FAM186A: variants seen among roughly 807,000 people sequenced by gnomAD.
The protein encoded by FAM186A is protein FAM186A.
Under a neutral mutation model 216.8 loss-of-function variants are expected in FAM186A, and 163 were observed. The ratio of observed to expected loss-of-function variants is 0.75; its 90% CI spans 0.66 to 0.86. The LOEUF is 0.86. Ranked by LOEUF, FAM186A falls within the 40% of genes least tolerant of loss-of-function variation. The probability of loss-of-function intolerance (pLI) is 0.00; values close to 1 mark genes in which losing one functional copy is unlikely to be tolerated. For missense variants in FAM186A, 2,184 were observed against 2,746.2 expected (o/e 0.80, Z 4.58); for synonymous variants, 805 against 1,025.3 (o/e 0.79, Z 4.10).
chr12:50,339,131 C>T (rs1369272912), intron 4 of FAM186A, among the ~76,000 whole-genome samples: 2 of 151,992 alleles, frequency 1.3e-5, no homozygotes, highest in Admixed American at 1.3e-4. Context: ...CCTCCCACCT[C>T]AGCCTACCAA....
chr12:50,353,840 G>T lies in FAM186A; in HGVS notation c.2992C>A (p.Leu998Ile), dbSNP rs939874305. 34 of 1,551,454 alleles carry T rather than the reference G, an allele frequency of 2.2e-5. No individual in the cohort carries two copies. The highest frequency in any genetic ancestry group is 2.8e-5 in the Non-Finnish European group (32 of 1,146,954). The change falls in exon 4 of 8, where the codon CTA becomes ATA. Residue 998 changes from leucine (L) to isoleucine (I), a missense_variant. Physicochemically the swap from Leu to Ile is conservative, Grantham distance 5. Transcript: ENST00000327337. Reference protein sequence around the residue: ...MQMKETQPKELEKMVIQTPMT... With the variant: ...MQMKETQPKEIEKMVIQTPMT... ...GGAGTTTGGATGACCATTTTTTCTA[G>T]CTCTTTAGGTTGTGTTTCCTTCATC...
At chr12:50,394,732 CTTTTTTTTTTTTTT>C (rs71083561) in intron 1 of FAM186A, among the ~76,000 whole-genome samples, 2 of 29,384 alleles carry the variant, frequency 6.8e-5, no homozygotes, top group Admixed American at 5.7e-4. Context: ...GGCTAACACT[CTTTTTTTTTTTTTT>C]TTTTTTTTTT....
At chr12:50,381,243 T>A (rs2136105147) in intron 1 of FAM186A, among the ~76,000 whole-genome samples, 1 of 152,334 alleles carries the variant, frequency 6.6e-6, no homozygotes, top group Middle Eastern at 3.4e-3. Context: ...GCAAGGGGCG[T>A]GTTTCAGCCC....
chr12:50,333,766 T>G (rs995660199), intron 5 of FAM186A, 145 bp downstream of exon 5: 9 of 804,214 alleles, frequency 1.1e-5, no homozygotes, highest in Non-Finnish European at 1.7e-5. Flanking sequence ...TTTCTGTTGT[T>G]TTAAGCTATG....
In FAM186A at chr12:50,396,509, T is replaced by A; in HGVS notation, c.-25A>T. 1 of 1,527,294 alleles carries A rather than the reference T, an allele frequency of 6.5e-7. No homozygotes were observed. 94.6% of individuals were successfully genotyped at this position (1,527,294 alleles called of 1,614,324 possible). ...TTTTGAAAATGTGGGTGATTTCGTT[T>A]TATTTCTTCTTTTTCACAGAATCTA... On this transcript the variant is annotated 5_prime_UTR_variant, in exon 1 of 8. It removes the in-frame stop codon of an upstream open reading frame in the 5' UTR. Transcript: ENST00000327337.
chr12:50,346,220 G>GAGAGAGA (rs1555215373), intron 4 of FAM186A, among the ~76,000 whole-genome samples: 8 of 46,730 alleles, frequency 1.7e-4, no homozygotes, highest in African/African-American at 5.6e-4. Context: ...AGAGAGAGAA[G>GAGAGAGA]GAAAGAAAGA....
chr12:50,365,789 C>T (rs906640581), intron 1 of FAM186A: 70 of 755,884 alleles, frequency 9.3e-5, no homozygotes, highest in East Asian at 2.4e-4. Context: ...ACATGTGATC[C>T]GTGCCCATCT....
rs1362530653 is a variant in FAM186A at position 50,364,583 on chromosome 12, TA to T, written c.193-1220del. Among the ~76,000 whole-genome samples, 18 of 91,066 alleles carry T rather than the reference TA, an allele frequency of 2.0e-4. No homozygotes were observed. In the East Asian group the frequency reaches 7.0e-3, roughly 35 times the overall value. 59.7% of individuals were successfully genotyped at this position (91,066 alleles called of 152,430 possible). On this transcript the variant is annotated intron_variant, in intron 1 of 7. Transcript: ENST00000327337. ...AAAATAAATAAATAAATAAATAAAA[TA>T]AAAATAAAAATAAAATAATATAAAA...
At position 50,351,795 on chromosome 12, in the gene FAM186A, C is replaced by T; in HGVS notation, c.5037G>A (p.Gln1679=). The T allele has an allele frequency of 1.9e-6, 3 of 1,549,710 alleles. No individual in the cohort carries two copies. The highest frequency in any genetic ancestry group is 1.7e-6 in the Non-Finnish European group (2 of 1,145,944). ...CTAACTTCAATAACTGTTCTTGAGC[C>T]TGTTCTAAGTTCATAGGGGACTCCA... ...HALESPMNLE[Q]AQEQLLKLGV... is the part of the protein sequence containing the mutation. The change falls in exon 4 of 8, where the codon CAG becomes CAA. Residue 1679 remains glutamine (Q), a synonymous_variant. Coordinates refer to ENST00000327337, the MANE Select transcript of FAM186A (RefSeq NM_001145475.3).
chr12:50,387,331 T>C (rs957745007), intron 1 of FAM186A, among the ~76,000 whole-genome samples: 1 of 152,176 alleles, frequency 6.6e-6, no homozygotes, highest in Non-Finnish European at 1.5e-5. Flanking sequence ...CAAGGTATTG[T>C]GGAAGGGGAA....
At position 50,372,903 on chromosome 12, in the gene FAM186A, AAAAAAAAAAAAAAAG is replaced by A. The variant is rs1333034113; in HGVS notation, c.193-9554_193-9540del. ...TGGGCGACAGAGCAAGACTCCGTCT[AAAAAAAAAAAAAAAG>A]AAAAAAGAAAGAAAGAAGGAAGGAA... is the stretch of plus-strand genomic sequence containing the variant. On this transcript the variant is annotated intron_variant, in intron 1 of 7. Transcript: ENST00000327337. Among the ~76,000 whole-genome samples, 107 of 134,708 alleles carry A rather than the reference AAAAAAAAAAAAAAAG, an allele frequency of 7.9e-4. 1 individual carries two copies. Among genetic ancestry groups the A allele is most frequent in the African/African-American group, 2.7e-3 (102 of 37,328 alleles). 88.4% of individuals were successfully genotyped at this position (134,708 alleles called of 152,430 possible).
At position 50,396,392 on chromosome 12, in the gene FAM186A, A is replaced by G. The variant is rs2136110564; in HGVS notation, c.93T>C (p.Asn31=). The G allele has an allele frequency of 6.4e-7, 1 of 1,551,566 alleles. No individual in the cohort carries two copies. Among genetic ancestry groups the G allele is most frequent in the Non-Finnish European group, 8.7e-7 (1 of 1,146,968 alleles). Residue 31 remains asparagine (N), a synonymous_variant, in exon 1 of 8, where the codon AAT becomes AAC. Coordinates refer to ENST00000327337, the MANE Select transcript of FAM186A (RefSeq NM_001145475.3). ...DSTIMRREPQ[N]ILSPLMLPNL... The stretch of plus-strand genomic sequence containing the variant: ...TAGGGAGCATCAAAGGACTAAGGAT[A>G]TTTTGGGGCTCTCTTCTCATGATGG...
In FAM186A at chr12:50,352,595, G is replaced by A; in HGVS notation, c.4237C>T (p.Pro1413Ser). ...ATCCCCAATTCCTGAGCCTGCTGAG[G>A]GGTGAGAGGGATCCCCAGTTCCTGA... ...QAQELGIPLT[P>S]QQAQELGIPF... Residue 1413 changes from proline to serine, a missense_variant, in exon 4 of 8, where the codon CCT (proline) becomes TCT (serine). By Grantham distance (74) the Pro-to-Ser change is moderately conservative (BLOSUM62 -1). This residue lies in a region of FAM186A where 267 missense variants were observed against 446.2 expected (regional missense o/e 0.60). Coordinates refer to ENST00000327337, the MANE Select transcript of FAM186A (RefSeq NM_001145475.3). 6.6e-7 allele frequency: 1 copy of A among 1,525,270 alleles called. No homozygotes were observed. Among genetic ancestry groups the A allele is most frequent in the Non-Finnish European group, 8.8e-7 (1 of 1,134,700 alleles). The allele number at this position is 1,525,270 out of a possible 1,614,324, so 94.5% of individuals were successfully genotyped here. A position where few individuals can be genotyped will look rare whatever the true frequency, so the allele number is the denominator to read the frequency against.
At chr12:50,385,835 G>C (rs1943298213) in intron 1 of FAM186A, among the ~76,000 whole-genome samples, 1 of 151,860 alleles carries the variant, frequency 6.6e-6, no homozygotes, top group African/African-American at 2.4e-5. Context: ...CCAGGAGGTG[G>C]AGCTTGCAGT....
chr12:50,391,666 A>G (rs981792086), intron 1 of FAM186A, among the ~76,000 whole-genome samples: 1 of 151,986 alleles, frequency 6.6e-6, no homozygotes, highest in Non-Finnish European at 1.5e-5. Flanking sequence ...GCTGGAGTGC[A>G]GTGGCTCGAT....
In FAM186A at chr12:50,394,570, T is replaced by C. The variant is rs115363615; in HGVS notation, c.192+1723A>G. ...TCTGCCTCAAAAAAAAAAATCTATT[T>C]ATCTATCTATCTATCTACCTATCTA... On this transcript the variant is annotated intron_variant, in intron 1 of 7. Transcript: ENST00000327337. 9.0e-3 allele frequency among the ~76,000 whole-genome samples: 1,348 copies of C among 149,954 alleles called. 17 individuals carry two copies. The highest frequency in any genetic ancestry group is 0.031 in the African/African-American group (1,258 of 40,002).
At chr12:50,388,877 AC>A (rs1943330555) in intron 1 of FAM186A, among the ~76,000 whole-genome samples, 1 of 151,344 alleles carries the variant, frequency 6.6e-6, no homozygotes, top group African/African-American at 2.4e-5. Context: ...ACATGGAGAA[AC>A]CCCATTTCTA....
At position 50,356,047 on chromosome 12, in the gene FAM186A, G is replaced by T. The variant is rs765452058; in HGVS notation, c.785C>A (p.Ser262Ter). ...TLENNAIKYI[S>*]STIVNLSTAL... ...TGTAGAAAGGTTTACTATTGTTGAT[G>T]ATATATATTTAATAGCATTGTTTTC... Residue 262 changes from serine (S) to a stop codon, truncating the protein, a stop_gained, in exon 4 of 8, where the codon TCA becomes TAA. Coordinates refer to ENST00000327337, the MANE Select transcript of FAM186A (RefSeq NM_001145475.3). LOFTEE classifies it high-confidence loss of function. 77 of 1,551,412 alleles carry T rather than the reference G, an allele frequency of 5.0e-5. No individual in the cohort carries two copies. The highest frequency in any genetic ancestry group is 6.2e-5 in the Non-Finnish European group (71 of 1,146,928).
rs1012050816 is a variant in FAM186A at position 50,355,395 on chromosome 12, A to G, written c.1437T>C (p.Asn479=). 6.4e-7 allele frequency: 1 copy of G among 1,551,314 alleles called. No homozygotes were observed. Among genetic ancestry groups the G allele is most frequent in the Non-Finnish European group, 8.7e-7 (1 of 1,146,974 alleles). Residue 479 remains asparagine (N), a synonymous_variant, in exon 4 of 8, where the codon AAT becomes AAC. Transcript: ENST00000327337. ...CCTCTGAGACTTTCTGTCCACTTTT[A>G]TTATCACTCAGATTTGGTCCAGAGG... ...YETSGPNLSD[N]KSGQKVSEAK...
Sources: gnomAD v4.1 joint callset for allele counts (sites outside exome capture counted in the v4.1 genomes callset) on GRCh38, gnomAD v4.1.1 for gene constraint, gnomAD v4.1.1 regional missense constraint, MANE v1.5 for transcripts, NCBI Gene and HGNC (gene_info 2026-07-23, HGNC 2026-07-21) for gene names.